The following BCAS3 variants were observed in gnomAD, a reference collection of about 807,000 sequenced individuals.
The protein encoded by BCAS3 is BCAS4/BCAS3 fusion.
BCAS3 carries 53 observed loss-of-function variants against 116.1 expected under a neutral mutation model. That is an observed-to-expected ratio of 0.46 (90% CI 0.37 to 0.57). The LOEUF (loss-of-function observed/expected upper bound fraction) is 0.57. BCAS3 is among the 20% of genes least tolerant of loss of function. BCAS3 has a pLI of 0.00. For synonymous variants in BCAS3, 391 were observed against 408.2 expected (o/e 0.96, Z 0.51); for missense variants, 917 against 1,165.4 (o/e 0.79, Z 3.10).
chr17:61,172,543 G>C (rs991137381), intron 22 of BCAS3, among the ~76,000 whole-genome samples: 1 of 152,062 alleles, frequency 6.6e-6, no homozygotes, highest in Non-Finnish European at 1.5e-5. Flanking sequence ...AGGCTGAGGA[G>C]GGAGAAGGGC....
Position 61,392,782 on chromosome 17 carries a change from G to T in BCAS3, c.*657G>T, listed in dbSNP as rs2060191186. The T allele has an allele frequency of 6.6e-6, 1 of 152,422 alleles. No individual in the cohort carries two copies. Among genetic ancestry groups the T allele is most frequent in the Non-Finnish European group, 1.5e-5 (1 of 68,196 alleles). The allele number at this position is 152,422 out of a possible 1,614,324, so 9.4% of individuals were successfully genotyped here. A position where few individuals can be genotyped will look rare whatever the true frequency, so the allele number is the denominator to read the frequency against. On this transcript the variant is annotated 3_prime_UTR_variant, in exon 24 of 24. Coordinates refer to ENST00000407086, the MANE Select transcript of BCAS3 (RefSeq NM_017679.5). The surrounding 1 kb of genome is among the most constrained non-coding windows in gnomAD (Gnocchi z 6.4). ...AGGAAACCGTGGTTACTGAGGCCCT[G>T]TTGAAAAGTGCACGTCTTGTCCAAT...
intron 4 of BCAS3, among the ~76,000 whole-genome samples, chr17:60,699,936 G>A (rs2143929691): frequency 6.6e-6 from 1 of 151,814 alleles, no homozygotes; most frequent in Non-Finnish European, 1.5e-5. Context: ...CACTTTGGAA[G>A]GCCAAGGTGG....
intron 15 of BCAS3, among the ~76,000 whole-genome samples, chr17:60,996,188 CATG>C (rs890048928): frequency 3.8e-4 from 58 of 152,202 alleles, no homozygotes; most frequent in Admixed American, 3.2e-3. Context: ...ATAAGAGTGA[CATG>C]ATAATACTGT....
In BCAS3 at chr17:61,017,364, T is replaced by C. The variant is rs2065529557; in HGVS notation, c.1637+1463T>C. Among the ~76,000 whole-genome samples, 1 of 152,192 alleles carries C rather than the reference T, an allele frequency of 6.6e-6. No individual in the cohort carries two copies. The highest frequency in any genetic ancestry group is 2.4e-5 in the African/African-American group (1 of 41,454). The stretch of plus-strand genomic sequence containing the variant: ...ACTGAAGTTAGTCAGTACATAATTG[T>C]ATCATCTTGATTCACTCCAGCATTG... On this transcript the variant is annotated intron_variant, in intron 16 of 23. Coordinates refer to ENST00000407086, the MANE Select transcript of BCAS3 (RefSeq NM_017679.5). This position sits in a 1 kb window ranked among gnomAD's most constrained non-coding sequence, Gnocchi z 4.7.
intron 15 of BCAS3, among the ~76,000 whole-genome samples, chr17:61,000,646 T>G (rs959184830): frequency 3.3e-5 from 5 of 152,120 alleles, no homozygotes; most frequent in Non-Finnish European, 7.4e-5. Context: ...TTTTTCGTAT[T>G]TTGGTACAGT....
Position 61,241,170 on chromosome 17 carries a change from G to A in BCAS3, c.2426-127157G>A, listed in dbSNP as rs191713450. Among the ~76,000 whole-genome samples, 72 of 152,304 alleles carry A rather than the reference G, an allele frequency of 4.7e-4. No homozygotes were observed. Among genetic ancestry groups the A allele is most frequent in the Admixed American group, 4.7e-3 (72 of 15,296 alleles). Reference sequence around the variant, plus strand: ...CACTGAATATGTGGATTTAATATTAGAGGCTTGACTATTTGAATGTGATTG... The same window carrying A: ...CACTGAATATGTGGATTTAATATTAAAGGCTTGACTATTTGAATGTGATTG... On this transcript the variant is annotated intron_variant, in intron 22 of 23. Transcript: ENST00000407086. This position sits in a 1 kb window ranked among gnomAD's most constrained non-coding sequence, Gnocchi z 4.6.
intron 22 of BCAS3, chr17:61,245,417 T>A (rs537647242): frequency 1.1e-4 from 17 of 152,054 alleles, no homozygotes; most frequent in African/African-American, 3.9e-4. Context: ...GGTCTTGTTA[T>A]GTTGCCAAGG....
rs150675534 is a variant in BCAS3 at position 61,033,983 on chromosome 17, T to C, written c.1638-683T>C. Among the ~76,000 whole-genome samples, 7 of 152,334 alleles carry C rather than the reference T, an allele frequency of 4.6e-5. No individual in the cohort carries two copies. In the East Asian group the frequency reaches 1.3e-3, roughly 29 times the overall value. ...ATTTAGGTTTGAGAGGCTATTGATA[T>C]GTAATTCCACCTTGGTCTTTTTCTC... On this transcript the variant is annotated intron_variant, in intron 16 of 23. Coordinates refer to ENST00000407086, the MANE Select transcript of BCAS3 (RefSeq NM_017679.5).
chr17:61,386,838 G>A (rs779475288), intron 23 of BCAS3, among the ~76,000 whole-genome samples: 5 of 145,732 alleles, frequency 3.4e-5, no homozygotes, highest in African/African-American at 5.0e-5. Context: ...GAGTGTAGTG[G>A]CACAATCATA....
At chr17:61,000,071 G>A (rs2064134385) in intron 15 of BCAS3, among the ~76,000 whole-genome samples, 2 of 152,172 alleles carry the variant, frequency 1.3e-5, no homozygotes, top group Middle Eastern at 3.4e-3. Flanking sequence ...CATATTGTTG[G>A]TAAAGAGAGA....
chr17:60,950,851 C>G (rs2060793236), intron 14 of BCAS3, among the ~76,000 whole-genome samples: 1 of 152,016 alleles, frequency 6.6e-6, no homozygotes, highest in Admixed American at 6.6e-5. Context: ...AAAACAACAC[C>G]CTTCACCAAC....
At chr17:61,253,557 A>G (rs1452807745) in intron 22 of BCAS3, among the ~76,000 whole-genome samples, 1 of 151,984 alleles carries the variant, frequency 6.6e-6, no homozygotes, top group Non-Finnish European at 1.5e-5. Flanking sequence ...CAGCAGTCCC[A>G]GGAACTTGGC....
rs1395665664 is a variant in BCAS3 at position 61,009,454 on chromosome 17, A to G, written c.1487-6297A>G. The stretch of plus-strand genomic sequence containing the variant: ...TAACAATAACTTTTAGAAACCTGTA[A>G]CAAAAATTTCTCTCTCTCTCTGGTA... On this transcript the variant is annotated intron_variant, in intron 15 of 23. Transcript: ENST00000407086. Among the ~76,000 whole-genome samples, 3 of 152,106 alleles carry G rather than the reference A, an allele frequency of 2.0e-5. No homozygotes were observed. In the East Asian group the frequency reaches 5.8e-4, roughly 30 times the overall value.
At position 61,361,767 on chromosome 17, in the gene BCAS3, A is replaced by G. The variant is rs2058464145; in HGVS notation, c.2426-6560A>G. On this transcript the variant is annotated intron_variant, in intron 22 of 23. Transcript: ENST00000407086. The surrounding 1 kb of genome is among the most constrained non-coding windows in gnomAD (Gnocchi z 6.5). The stretch of plus-strand genomic sequence containing the variant: ...GAAGAACCAAGAAGGCTGGTGGTAT[A>G]TAACCAGGGGAGCTGATGGTGTAAG... 6.6e-6 allele frequency: 1 copy of G among 152,214 alleles called. No individual in the cohort carries two copies. The highest frequency in any genetic ancestry group is 1.5e-5 in the Non-Finnish European group (1 of 68,052). The allele number at this position is 152,214 out of a possible 1,614,324, so 9.4% of individuals were successfully genotyped here.
intron 22 of BCAS3, among the ~76,000 whole-genome samples, chr17:61,138,356 G>A (rs867900827): frequency 6.4e-4 from 97 of 152,134 alleles, no homozygotes; most frequent in African/African-American, 2.2e-3. Context: ...TGCCAGAGAC[G>A]GCAGATTTGG....
intron 7 of BCAS3, among the ~76,000 whole-genome samples, chr17:60,855,309 C>T (rs1340821450): frequency 6.6e-6 from 1 of 150,564 alleles, no homozygotes; most frequent in African/African-American, 2.4e-5. Flanking sequence ...TCTGGTGGTT[C>T]GTGTGCTAGT....
intron 7 of BCAS3, among the ~76,000 whole-genome samples, chr17:60,820,337 G>T (rs113000742): frequency 0.048 from 7,283 of 152,230 alleles, 607 homozygotes; most frequent in African/African-American, 0.17. Context: ...GAGCCACCGT[G>T]CCCAGCCGAC....
intron 13 of BCAS3, among the ~76,000 whole-genome samples, chr17:60,933,486 A>T (rs2059767779): frequency 6.6e-6 from 1 of 152,212 alleles, no homozygotes; most frequent in South Asian, 2.1e-4. Context: ...TAAGAGGAAA[A>T]TGAGTGTTGA....
At chr17:60,965,522 A>G (rs1315874290) in intron 14 of BCAS3, among the ~76,000 whole-genome samples, 1 of 152,044 alleles carries the variant, frequency 6.6e-6, no homozygotes, top group African/African-American at 2.4e-5. Flanking sequence ...CGCCCGGCCT[A>G]TATATTGCAT....
Sources: gnomAD v4.1 joint callset for allele counts (sites outside exome capture counted in the v4.1 genomes callset) on GRCh38, gnomAD v4.1.1 for gene constraint, Gnocchi (gnomAD v3.1) non-coding constraint, MANE v1.5 for transcripts, NCBI Gene and HGNC (gene_info 2026-07-23, HGNC 2026-07-21) for gene names.